ERC1: variants seen among roughly 807,000 people sequenced by gnomAD.
ERC1 encodes the protein ELKS/RAB6-interacting/CAST family member 1.
Under a neutral mutation model 132.0 loss-of-function variants are expected in ERC1, and 56 were observed. The ratio of observed to expected loss-of-function variants is 0.42; its 90% CI spans 0.34 to 0.53. The LOEUF (loss-of-function observed/expected upper bound fraction) is 0.53. ERC1 is among the 20% of genes least tolerant of loss of function. ERC1 has a pLI of 0.03. For synonymous variants in ERC1, 478 were observed against 476.1 expected, an observed-to-expected ratio of 1.00 and a Z score of -0.05; for missense variants, 1,202 against 1,349.9, an observed-to-expected ratio of 0.89 and a Z score of 1.72.
At chr12:1,104,876 G>A (rs1945078497) in intron 4 of ERC1, 52 bp downstream of exon 4, 2 of 1,240,670 alleles carry the variant, frequency 1.6e-6, no homozygotes, top group African/African-American at 2.9e-5. Flanking sequence ...ACTTTTAAGT[G>A]ATCAAAAACT....
At chr12:1,212,973 C>A (rs1170566878) in intron 12 of ERC1, among the ~76,000 whole-genome samples, 1 of 152,178 alleles carries the variant, frequency 6.6e-6, no homozygotes, top group African/African-American at 2.4e-5. Flanking sequence ...AGCAGGCTGT[C>A]AAAGCTTAGA....
intron 16 of ERC1, among the ~76,000 whole-genome samples, chr12:1,397,908 G>T (rs2090674572): frequency 6.6e-6 from 1 of 152,128 alleles, no homozygotes; most frequent in Non-Finnish European, 1.5e-5. Context: ...TTCACATTGA[G>T]CAAATAATTA....
At chr12:1,420,659 G>T (rs553056046) in intron 17 of ERC1, among the ~76,000 whole-genome samples, 20 of 152,228 alleles carry the variant, frequency 1.3e-4, no homozygotes, top group African/African-American at 4.8e-4. Context: ...GCTTCACCAT[G>T]TTAGCCAGGA....
chr12:1,189,974 T>C lies in ERC1; in HGVS notation c.2273T>C (p.Val758Ala). 2.5e-6 allele frequency: 4 copies of C among 1,614,080 alleles called. No homozygotes were observed. Among genetic ancestry groups the C allele is most frequent in the Non-Finnish European group, 2.5e-6 (3 of 1,179,990 alleles). Residue 758 changes from valine to alanine, a missense_variant, in exon 12 of 19, where the codon GTT becomes GCT. Transcript: ENST00000360905. ...KDESSKAQAE[V>A]DRLLEILKEV... ...GAATCTAGCAAGGCCCAGGCAGAAG[T>C]TGATCGACTCTTAGAAATCTTGAAG...
At chr12:1,032,510 A>G (rs1386224455) in intron 2 of ERC1, among the ~76,000 whole-genome samples, 2 of 151,966 alleles carry the variant, frequency 1.3e-5, no homozygotes, top group Non-Finnish European at 2.9e-5. Context: ...GATGTGACCT[A>G]CTCTTGTTCG....
chr12:1,164,206 G>A (rs1045657299), intron 8 of ERC1, among the ~76,000 whole-genome samples: 2 of 149,338 alleles, frequency 1.3e-5, no homozygotes, highest in Non-Finnish European at 2.9e-5. Context: ...TATTCTGTTG[G>A]TCATAGTAGT....
intron 15 of ERC1, among the ~76,000 whole-genome samples, chr12:1,314,156 A>G (rs1453900384): frequency 1.3e-5 from 2 of 152,134 alleles, no homozygotes; most frequent in African/African-American, 4.8e-5. Context: ...AACTCCATAG[A>G]GGTGATTCAT....
At chr12:1,254,935 C>T (rs893312390) in intron 13 of ERC1, among the ~76,000 whole-genome samples, 1 of 150,638 alleles carries the variant, frequency 6.6e-6, no homozygotes, top group African/African-American at 2.5e-5. Flanking sequence ...GAGAACATCT[C>T]AAATCCACTT....
intron 14 of ERC1, among the ~76,000 whole-genome samples, chr12:1,282,984 A>G (rs1410222342): frequency 1.3e-5 from 2 of 152,216 alleles, no homozygotes; most frequent in African/African-American, 4.8e-5. Flanking sequence ...AACTACAAAA[A>G]GTGTTTTTCT....
intron 14 of ERC1, among the ~76,000 whole-genome samples, chr12:1,273,511 C>G (rs1237146454): frequency 6.6e-6 from 1 of 152,218 alleles, no homozygotes; most frequent in African/African-American, 2.4e-5. Context: ...TATAGCAGCA[C>G]TGTCAAATAG....
chr12:1,400,730 G>A (rs1192477421), intron 16 of ERC1, among the ~76,000 whole-genome samples: 1 of 151,838 alleles, frequency 6.6e-6, no homozygotes, highest in Non-Finnish European at 1.5e-5. Context: ...CTGGAAATCA[G>A]TTGACCATAA....
intron 12 of ERC1, among the ~76,000 whole-genome samples, chr12:1,222,730 G>C (rs1175255420): frequency 6.6e-6 from 1 of 151,860 alleles, no homozygotes; most frequent in Non-Finnish European, 1.5e-5. Flanking sequence ...TCTTAAATTT[G>C]TGTGGGAGAT....
At chr12:1,345,187 C>CTT (rs573681390) in intron 15 of ERC1, among the ~76,000 whole-genome samples, 1 of 131,486 alleles carries the variant, frequency 7.6e-6, no homozygotes, top group Admixed American at 7.8e-5. Context: ...AATATTTCTT[C>CTT]TTTTTTTTTT....
In ERC1 at chr12:1,313,451, T is replaced by C. The variant is rs1376254368; in HGVS notation, c.2780+23439T>C. On this transcript the variant is annotated intron_variant, in intron 15 of 18. Coordinates refer to ENST00000360905, the MANE Select transcript of ERC1 (RefSeq NM_178040.4). ...TGGATATTAAACAGAGATTCAACTT[T>C]CCTGTTCAGAAACGTGTTATAACTC... 3.3e-5 allele frequency among the ~76,000 whole-genome samples: 5 copies of C among 152,096 alleles called. No individual in the cohort carries two copies. In the East Asian group the frequency reaches 5.8e-4, roughly 18 times the overall value.
intron 15 of ERC1, among the ~76,000 whole-genome samples, chr12:1,346,441 T>G (rs1166834978): frequency 6.6e-6 from 1 of 152,334 alleles, no homozygotes; most frequent in South Asian, 2.1e-4. Context: ...TCTGAATTGC[T>G]TCTGGGCTTA....
chr12:991,702 T>C (rs1041323304), intron 1 of ERC1: 3 of 151,702 alleles, frequency 2.0e-5, no homozygotes, highest in African/African-American at 7.3e-5. Flanking sequence ...GGGGGAGGCT[T>C]AGGACTAGTG....
chr12:1,456,237 C>T (rs937644937), intron 18 of ERC1, among the ~76,000 whole-genome samples: 22 of 152,122 alleles, frequency 1.4e-4, no homozygotes, highest in Non-Finnish European at 7.4e-5. Flanking sequence ...TTTTATGTAT[C>T]GTGATTTTAC....
At chr12:1,079,946 A>G (rs189588326) in intron 2 of ERC1, among the ~76,000 whole-genome samples, 26 of 152,268 alleles carry the variant, frequency 1.7e-4, no homozygotes, top group African/African-American at 6.0e-4. Context: ...ATGTATCAGA[A>G]TTACAATTGT....
intron 2 of ERC1, among the ~76,000 whole-genome samples, chr12:1,029,607 T>C (rs1014444778): frequency 3.9e-5 from 6 of 152,166 alleles, no homozygotes; most frequent in East Asian, 1.9e-4. Context: ...ACAGGAAATA[T>C]TCACTTATTT....
Sources: allele counts gnomAD v4.1 joint callset (sites outside exome capture counted in the v4.1 genomes callset), GRCh38; gene constraint gnomAD v4.1.1; transcripts MANE v1.5; gene names NCBI Gene and HGNC (gene_info 2026-07-23, HGNC 2026-07-21).